Variants in LPP observed in about 807,000 individuals in gnomAD.
LPP encodes lipoma-preferred partner.
In LPP, 38 loss-of-function variants were observed where a neutral mutation model predicts 60.4. The observed-to-expected ratio is 0.63, with a 90% CI of 0.49 to 0.83. The LOEUF (loss-of-function observed/expected upper bound fraction) is 0.83. Among genes scored for constraint, LPP ranks in the 40% least tolerant of loss-of-function variants. The pLI is 0.00. For missense variants in LPP, 902 were observed against 783.6 expected, an observed-to-expected ratio of 1.15 and a Z score of -1.80; for synonymous variants, 328 against 290.8, an observed-to-expected ratio of 1.13 and a Z score of -1.30.
chr3:188,204,351 A>C (rs923675188), intron 1 of LPP, among the ~76,000 whole-genome samples: 1 of 152,076 alleles, frequency 6.6e-6, no homozygotes. Context: ...AGCACTGGTG[A>C]GGAGTCAACT....
At chr3:188,648,875 C>T (rs1405335597) in intron 7 of LPP, among the ~76,000 whole-genome samples, 1 of 152,142 alleles carries the variant, frequency 6.6e-6, no homozygotes, top group Admixed American at 6.5e-5. Context: ...GGTTTCTTAG[C>T]TCTTGTAACC....
At chr3:188,795,777 G>A (rs1001717880) in intron 9 of LPP, among the ~76,000 whole-genome samples, 2 of 152,088 alleles carry the variant, frequency 1.3e-5, no homozygotes, top group Non-Finnish European at 2.9e-5. Flanking sequence ...ATCGAATTTT[G>A]TGGTTATATA....
intron 9 of LPP, among the ~76,000 whole-genome samples, chr3:188,814,272 G>A (rs978065564): frequency 2.6e-5 from 4 of 152,098 alleles, no homozygotes; most frequent in African/African-American, 9.7e-5. Flanking sequence ...CACTAAGACA[G>A]TATGCATTAC....
rs987764009 is a variant in LPP, at chr3:188,182,802, T to A, written c.-190+28550T>A. The stretch of plus-strand genomic sequence containing the variant: ...ATATAATATATGTACATATACAATA[T>A]ATGCACATATATAATATATGTACAT... On this transcript the variant is annotated intron_variant, in intron 1 of 11. Coordinates refer to ENST00000617246, the MANE Select transcript of LPP (RefSeq NM_001375462.1). The surrounding 1 kb of genome is among the most constrained non-coding windows in gnomAD (Gnocchi z 4.4). Among the ~76,000 whole-genome samples the A allele has an allele frequency of 1.3e-4, 19 of 150,154 alleles. No homozygotes were observed. The highest frequency in any genetic ancestry group is 5.4e-4 in the Admixed American group (8 of 14,908).
rs35761284 is a variant in LPP at position 188,715,376 on chromosome 3, C to CAAAA, written c.1240+7010_1240+7013dup. 4.6e-3 allele frequency among the ~76,000 whole-genome samples: 291 copies of CAAAA among 63,686 alleles called. 13 individuals carry two copies. Among genetic ancestry groups the CAAAA allele is most frequent in the Non-Finnish European group, 5.2e-3 (218 of 41,972 alleles). The allele number at this position is 63,686 out of a possible 152,430, so 41.8% of individuals were successfully genotyped here. The stretch of plus-strand genomic sequence containing the variant: ...CTGGTGACAGAGGGAGACTCCGTCT[C>CAAAA]AAAAAAAAAAAAAAAAAAAAAAAAA... On this transcript the variant is annotated intron_variant, in intron 8 of 11. Transcript: ENST00000617246.
chr3:188,505,456 T>A (rs1467434271), intron 5 of LPP, among the ~76,000 whole-genome samples: 2 of 152,176 alleles, frequency 1.3e-5, no homozygotes, highest in Non-Finnish European at 2.9e-5. Flanking sequence ...TCAACTTTGA[T>A]CTTTCTTTAT....
Position 188,406,185 on chromosome 3 carries a change from G to A in LPP, c.65G>A (p.Arg22Gln), listed in dbSNP as rs767518342. The A allele has an allele frequency of 8.1e-6, 13 of 1,614,026 alleles. No homozygotes were observed. The East Asian group carries it at 8.9e-5, about 11-fold the overall frequency. Residue 22 changes from arginine (R) to glutamine (Q), a missense_variant, in exon 4 of 12, where the codon CGG becomes CAG. By Grantham distance (43) the Arg-to-Gln change is conservative (BLOSUM62 1). Coordinates refer to ENST00000617246, the MANE Select transcript of LPP (RefSeq NM_001375462.1). ...TGEPLGHVPA[R>Q]METTHSFGNP... ...GAGCCCCTCGGCCATGTGCCTGCACGGATGGAGACCACCCATTCCTTTGGG... is the reference window on the plus strand; with the variant it reads ...GAGCCCCTCGGCCATGTGCCTGCACAGATGGAGACCACCCATTCCTTTGGG...
chr3:188,511,092 C>CT (rs1354677937), intron 5 of LPP, among the ~76,000 whole-genome samples: 1 of 128,026 alleles, frequency 7.8e-6, no homozygotes, highest in Non-Finnish European at 1.7e-5. Flanking sequence ...CCCTGCCCCC[C>CT]TCCCTCCCTC....
intron 1 of LPP, among the ~76,000 whole-genome samples, chr3:188,193,795 C>T (rs1415296428): frequency 1.3e-5 from 2 of 152,020 alleles, no homozygotes; most frequent in African/African-American, 4.8e-5. Context: ...ATGGCATTTG[C>T]AGCTGAGTTT....
At chr3:188,400,772 A>T (rs763235457) in intron 3 of LPP, among the ~76,000 whole-genome samples, 1 of 152,130 alleles carries the variant, frequency 6.6e-6, no homozygotes, top group Admixed American at 6.6e-5. Flanking sequence ...TTTCATGATG[A>T]TTATGAACTT....
intron 1 of LPP, among the ~76,000 whole-genome samples, chr3:188,202,681 G>A (rs1054863031): frequency 6.6e-6 from 1 of 152,196 alleles, no homozygotes; most frequent in African/African-American, 2.4e-5. Flanking sequence ...GGTTGTGGTG[G>A]CTTTCTGATA....
At chr3:188,308,452 G>A (rs1016158254) in intron 2 of LPP, among the ~76,000 whole-genome samples, 3 of 152,172 alleles carry the variant, frequency 2.0e-5, no homozygotes, top group East Asian at 1.9e-4. Context: ...TGGAACGTTA[G>A]GATTTAAACA....
At chr3:188,592,557 G>GTTTTTTTTTTTT (rs1553936333) in intron 6 of LPP, among the ~76,000 whole-genome samples, 1 of 85,752 alleles carries the variant, frequency 1.2e-5, no homozygotes, top group African/African-American at 4.5e-5. Flanking sequence ...TTTTGTTTTT[G>GTTTTTTTTTTTT]TTTTTTAAAT....
chr3:188,443,622 T>C (rs1367047636), intron 4 of LPP, among the ~76,000 whole-genome samples: 1 of 152,186 alleles, frequency 6.6e-6, no homozygotes, highest in African/African-American at 2.4e-5. Flanking sequence ...TTCTTTGTGG[T>C]TTTGACTCCA....
intron 8 of LPP, among the ~76,000 whole-genome samples, chr3:188,757,163 T>C (rs1321258764): frequency 1.3e-5 from 2 of 152,242 alleles, no homozygotes; most frequent in Non-Finnish European, 2.9e-5. Context: ...TTCTAAGACG[T>C]GTTACATGCT....
intron 5 of LPP, among the ~76,000 whole-genome samples, chr3:188,487,350 A>C (rs1312467618): frequency 1.3e-5 from 2 of 152,216 alleles, no homozygotes; most frequent in African/African-American, 4.8e-5. Context: ...TTCCATTAAA[A>C]AATTCAACCA....
At chr3:188,216,559 C>T (rs1331032973) in intron 1 of LPP, among the ~76,000 whole-genome samples, 4 of 152,186 alleles carry the variant, frequency 2.6e-5, no homozygotes, top group African/African-American at 9.7e-5. Flanking sequence ...GCATGAGCCA[C>T]CACACCCCAC....
At chr3:188,693,877 A>G (rs187915937) in intron 7 of LPP, among the ~76,000 whole-genome samples, 38 of 152,306 alleles carry the variant, frequency 2.5e-4, no homozygotes, top group African/African-American at 7.7e-4. Context: ...TATTGGTGCA[A>G]AGAGAATTAA....
chr3:188,542,204 C>G (rs1825386473), intron 6 of LPP, among the ~76,000 whole-genome samples: 1 of 152,164 alleles, frequency 6.6e-6, no homozygotes, highest in East Asian at 1.9e-4. Context: ...TTTCTTTGTC[C>G]ATGATATTAA....
Sources: gnomAD v4.1 joint callset for allele counts (sites outside exome capture counted in the v4.1 genomes callset) on GRCh38, gnomAD v4.1.1 for gene constraint, Gnocchi (gnomAD v3.1) non-coding constraint, MANE v1.5 for transcripts, NCBI Gene and HGNC (gene_info 2026-07-23, HGNC 2026-07-21) for gene names.